DPYD: variants seen among roughly 807,000 people sequenced by gnomAD.
DPYD encodes dihydropyrimidine dehydrogenase [NADP(+)].
In DPYD, 109 loss-of-function variants were observed where a neutral mutation model predicts 116.2. The observed-to-expected ratio is 0.94, with a 90% CI of 0.80 to 1.10. DPYD has a LOEUF of 1.10. Among genes scored for constraint, DPYD ranks in the 50% least tolerant of loss-of-function variants. The probability of loss-of-function intolerance (pLI) is 0.00; values close to 1 mark genes in which losing one functional copy is unlikely to be tolerated. For synonymous variants in DPYD, 440 were observed against 432.0 expected (o/e 1.02, Z -0.23); for missense variants, 1,302 against 1,254.5 (o/e 1.04, Z -0.57).
chr1:97,356,143 C>G (rs1001902151), intron 16 of DPYD, among the ~76,000 whole-genome samples: 9 of 152,130 alleles, frequency 5.9e-5, no homozygotes. Flanking sequence ...TGAGTGATAT[C>G]TCACTGTGGT....
At chr1:97,826,095 TA>T in intron 3 of DPYD, among the ~76,000 whole-genome samples, 1 of 152,248 alleles carries the variant, frequency 6.6e-6, no homozygotes, top group Non-Finnish European at 1.5e-5. Flanking sequence ...GCCATAAAAT[TA>T]AATTCTCACT....
chr1:97,813,111 C>A (rs1234299454), intron 3 of DPYD, among the ~76,000 whole-genome samples: 1 of 152,028 alleles, frequency 6.6e-6, no homozygotes. Flanking sequence ...GAACTGGCTA[C>A]CCAATGTATT....
At chr1:97,838,527 G>A (rs1669882479) in intron 2 of DPYD, among the ~76,000 whole-genome samples, 2 of 152,216 alleles carry the variant, frequency 1.3e-5, no homozygotes, top group African/African-American at 4.8e-5. Flanking sequence ...TTTCCTCGGA[G>A]TAGAAACAGT....
Position 97,595,170 on chromosome 1 carries a change from A to G in DPYD, c.851-4T>C. On this transcript the variant is annotated splice_region_variant and splice_polypyrimidine_tract_variant and intron_variant, in intron 8 of 22. Transcript: ENST00000370192. ...TCTTTATTGGGTTCTGGCAAACCTAAGTAATCAAATTTATAAAATATCATT... is the reference window on the plus strand; with the variant it reads ...TCTTTATTGGGTTCTGGCAAACCTAGGTAATCAAATTTATAAAATATCATT... 1.2e-6 allele frequency: 2 copies of G among 1,612,194 alleles called. No individual in the cohort carries two copies. Among genetic ancestry groups the G allele is most frequent in the Non-Finnish European group, 1.7e-6 (2 of 1,178,402 alleles).
intron 8 of DPYD, among the ~76,000 whole-genome samples, chr1:97,660,014 G>A (rs1659161544): frequency 6.6e-6 from 1 of 152,092 alleles, no homozygotes; most frequent in South Asian, 2.1e-4. Flanking sequence ...TGGCATGGTG[G>A]TTGGTTCTAT....
At chr1:97,315,208 G>C (rs1036657378) in intron 16 of DPYD, among the ~76,000 whole-genome samples, 1 of 151,936 alleles carries the variant, frequency 6.6e-6, no homozygotes, top group Non-Finnish European at 1.5e-5. Flanking sequence ...CTCTGGCCCA[G>C]CTGCAGGAGT....
intron 13 of DPYD, among the ~76,000 whole-genome samples, chr1:97,482,003 C>CT (rs1678345967): frequency 6.6e-6 from 1 of 152,012 alleles, no homozygotes; most frequent in African/African-American, 2.4e-5. Flanking sequence ...TTTTAGATTA[C>CT]TTTTACTAAA....
At chr1:97,091,754 A>ATCCAG (rs1278141351) in intron 21 of DPYD, among the ~76,000 whole-genome samples, 1 of 152,214 alleles carries the variant, frequency 6.6e-6, no homozygotes, top group African/African-American at 2.4e-5. Flanking sequence ...TTCTGACATT[A>ATCCAG]TCCAGTATAT....
chr1:97,303,271 A>C (rs1156778197), intron 18 of DPYD, among the ~76,000 whole-genome samples: 1 of 151,994 alleles, frequency 6.6e-6, no homozygotes, highest in African/African-American at 2.4e-5. Flanking sequence ...ACTTTTTAAA[A>C]ATCTGTGATT....
chr1:97,292,816 C>G (rs1224630972), intron 18 of DPYD, among the ~76,000 whole-genome samples: 1 of 151,816 alleles, frequency 6.6e-6, no homozygotes, highest in African/African-American at 2.4e-5. Flanking sequence ...GTTTGGGGAT[C>G]TGGGAACACT....
intron 20 of DPYD, among the ~76,000 whole-genome samples, chr1:97,108,452 A>G (rs1651340654): frequency 6.6e-6 from 1 of 152,156 alleles, no homozygotes; most frequent in Admixed American, 6.6e-5. Context: ...GAAACATCAG[A>G]TTGAGTCATA....
rs1651289342 is a variant in DPYD at position 97,551,112 on chromosome 1, G to T, written c.1340-1368C>A. Among the ~76,000 whole-genome samples the T allele has an allele frequency of 2.6e-5, 4 of 152,276 alleles. 1 individual carries two copies. The highest frequency in any genetic ancestry group is 6.8e-3 in the Middle Eastern group (2 of 294). On this transcript the variant is annotated intron_variant, in intron 11 of 22. Transcript: ENST00000370192. ...CAATTGGATTGATGGATGAATGAAT[G>T]AATGAGTAGATGGGTCAATGCTATC...
chr1:97,586,839 T>C (rs2102232694), intron 10 of DPYD, among the ~76,000 whole-genome samples: 1 of 152,056 alleles, frequency 6.6e-6, no homozygotes, highest in Non-Finnish European at 1.5e-5. Flanking sequence ...GGGGATACAT[T>C]AATTGCAATT....
intron 16 of DPYD, among the ~76,000 whole-genome samples, chr1:97,360,910 C>G (rs956152580): frequency 2.6e-5 from 4 of 151,904 alleles, no homozygotes; most frequent in African/African-American, 9.7e-5. Context: ...GAAGCAAGAG[C>G]AAACAAATTC....
intron 20 of DPYD, among the ~76,000 whole-genome samples, chr1:97,100,145 G>T (rs1303051201): frequency 6.6e-6 from 1 of 151,958 alleles, no homozygotes; most frequent in Non-Finnish European, 1.5e-5. Context: ...TATCCATTTT[G>T]CTATAAAACA....
At chr1:97,914,955 T>G (rs915248260) in intron 1 of DPYD, among the ~76,000 whole-genome samples, 2 of 152,184 alleles carry the variant, frequency 1.3e-5, no homozygotes, top group African/African-American at 2.4e-5. Context: ...ACTAGTTGAT[T>G]ACTAGAGCAA....
At chr1:97,360,806 T>G (rs1670681420) in intron 16 of DPYD, among the ~76,000 whole-genome samples, 2 of 151,986 alleles carry the variant, frequency 1.3e-5, no homozygotes, top group South Asian at 4.2e-4. Context: ...TTTAAAGCAG[T>G]GTGTAGAGAG....
Position 97,893,429 on chromosome 1 carries a change from CATATATATATATATAT to C in DPYD, c.40-10071_40-10056del, listed in dbSNP as rs59336649. On this transcript the variant is annotated intron_variant, in intron 1 of 22. Coordinates refer to ENST00000370192, the MANE Select transcript of DPYD (RefSeq NM_000110.4). ...CAAAAACAGATTTTAATATCCATCG[CATATATATATATATAT>C]ATATATATATATATATAGCAATGGA... 1.1e-3 allele frequency among the ~76,000 whole-genome samples: 80 copies of C among 71,904 alleles called. 1 individual carries two copies. The East Asian group carries it at 0.03, about 27-fold the overall frequency. The allele number at this position is 71,904 out of a possible 152,430, so 47.2% of individuals were successfully genotyped here.
At chr1:97,677,292 A>C (rs1223985503) in intron 8 of DPYD, among the ~76,000 whole-genome samples, 2 of 152,168 alleles carry the variant, frequency 1.3e-5, no homozygotes, top group Admixed American at 6.5e-5. Context: ...TTACAGATAC[A>C]TGTATTAATA....
Sources: gnomAD v4.1 joint callset for allele counts (sites outside exome capture counted in the v4.1 genomes callset) on GRCh38, gnomAD v4.1.1 for gene constraint, MANE v1.5 for transcripts, NCBI Gene and HGNC (gene_info 2026-07-23, HGNC 2026-07-21) for gene names.